Variants in BPIFC observed in about 807,000 individuals in gnomAD.
BPIFC encodes the protein BPI fold-containing family C protein.
Under a neutral mutation model 57.6 loss-of-function variants are expected in BPIFC, and 60 were observed. The ratio of observed to expected loss-of-function variants is 1.04; its 90% confidence interval spans 0.85 to 1.29. BPIFC has a LOEUF of 1.29. BPIFC is among the 50% of genes most tolerant of loss of function. The pLI is 0.00. For synonymous variants in BPIFC, 243 were observed against 224.5 expected, an observed-to-expected ratio of 1.08 and a Z score of -0.74; for missense variants, 581 against 600.5, an observed-to-expected ratio of 0.97 and a Z score of 0.34.
intron 13 of BPIFC, among the ~76,000 whole-genome samples, chr22:32,425,772 G>A (rs1340365108): frequency 3.3e-5 from 5 of 152,100 alleles, no homozygotes; most frequent in South Asian, 2.1e-4. Context: ...TGGTCCTGGA[G>A]GTAGGTACTA....
At chr22:32,453,615 G>T in intron 3 of BPIFC, 112 bp from the exon 4 acceptor site, 1 of 1,298,148 alleles carries the variant, frequency 7.7e-7, no homozygotes, top group Non-Finnish European at 1.0e-6. Flanking sequence ...TAGATACTTA[G>T]AAAATGGCAA....
intron 4 of BPIFC, among the ~76,000 whole-genome samples, chr22:32,448,597 T>C (rs1934799231): frequency 6.6e-6 from 1 of 152,068 alleles, no homozygotes; most frequent in Non-Finnish European, 1.5e-5. Flanking sequence ...TAGGAGGCAG[T>C]GAGTTGCATG....
intron 13 of BPIFC, among the ~76,000 whole-genome samples, chr22:32,424,738 TTCCTCTTCTTCTTCC>T (rs1569448221): frequency 2.7e-4 from 21 of 77,816 alleles, no homozygotes; most frequent in Non-Finnish European, 4.1e-4. Context: ...CCTCTTCTTC[TTCCTCTTCTTCTTCC>T]TCTTCTTCTT....
rs148714146 is a variant in BPIFC at position 32,431,478 on chromosome 22, T to C, written c.1150-64A>G. 8.1e-4 allele frequency: 905 copies of C among 1,114,968 alleles called. 18 individuals carry two copies. In the African/African-American group the frequency reaches 0.012, roughly 14 times the overall value. The allele number at this position is 1,114,968 out of a possible 1,614,324, so 69.1% of individuals were successfully genotyped here. ...GTGTCAATTTTGGCCATCAGTATAATTTCCAATAGTTGAAACATTATAAGC... is the reference window on the plus strand; with the variant it reads ...GTGTCAATTTTGGCCATCAGTATAACTTCCAATAGTTGAAACATTATAAGC... On this transcript the variant is annotated intron_variant, in intron 12 of 16. Transcript: ENST00000300399.
intron 10 of BPIFC, among the ~76,000 whole-genome samples, chr22:32,435,264 TAGCAGAACTG>T (rs1934357671): frequency 2.6e-5 from 4 of 151,944 alleles, no homozygotes; most frequent in Non-Finnish European, 4.4e-5. Context: ...GGTGAGGTAT[TAGCAGAACTG>T]GAAACTTGAC....
chr22:32,440,936 C>A (rs186114435), intron 8 of BPIFC, among the ~76,000 whole-genome samples: 106 of 152,262 alleles, frequency 7.0e-4, no homozygotes, highest in African/African-American at 2.5e-3. Context: ...AGAAGCCAGA[C>A]CGATCTCCTT....
intron 12 of BPIFC, among the ~76,000 whole-genome samples, chr22:32,431,819 T>C (rs537758371): frequency 6.6e-6 from 1 of 152,214 alleles, no homozygotes; most frequent in South Asian, 2.1e-4. Context: ...ATTCCAGCTG[T>C]CCATGTAACT....
At chr22:32,448,074 CT>C (rs752136687) in intron 4 of BPIFC, among the ~76,000 whole-genome samples, 45,015 of 142,662 alleles carry the variant, frequency 0.32, 6,674 homozygotes, top group Non-Finnish European at 0.35. Flanking sequence ...TTTCTTTTTT[CT>C]TTTTTTTTTT....
intron 4 of BPIFC, among the ~76,000 whole-genome samples, chr22:32,449,828 G>A (rs989911962): frequency 3.3e-5 from 5 of 151,340 alleles, no homozygotes; most frequent in Admixed American, 6.6e-5. Flanking sequence ...TCCGCCTCCC[G>A]GGTTCACGCC....
intron 13 of BPIFC, 140 bp downstream of exon 13, chr22:32,431,207 G>A (rs1260066457): frequency 1.7e-5 from 10 of 597,216 alleles, no homozygotes; most frequent in South Asian, 6.6e-5. Flanking sequence ...TCTGCCTCCC[G>A]GGTTCAAGCG....
Position 32,445,913 on chromosome 22 carries a change from T to C in BPIFC, c.458A>G (p.His153Arg). The C allele has an allele frequency of 1.2e-6, 2 of 1,614,102 alleles. No homozygotes were observed. The highest frequency in any genetic ancestry group is 1.7e-6 in the Non-Finnish European group (2 of 1,180,016). Residue 153 changes from histidine to arginine, a missense_variant, in exon 6 of 17, where the codon CAT becomes CGT. His to Arg is a conservative substitution (Grantham distance 29). Transcript: ENST00000300399. ...GCAATCTTGGAGCTTCAGGGTAGGA[T>C]GACCAAAGTCATTTCGGGTTAGGAT... Reference protein sequence around the residue: ...IIILTRNDFGHPTLKLQDCYA... With the variant: ...IIILTRNDFGRPTLKLQDCYA...
chr22:32,427,291 T>C (rs1453189741), intron 13 of BPIFC, among the ~76,000 whole-genome samples: 1 of 152,348 alleles, frequency 6.6e-6, no homozygotes, highest in East Asian at 1.9e-4. Context: ...AAGGCTCAGT[T>C]TGATTTAAGC....
rs149674580 is a variant in BPIFC, at chr22:32,435,811, G to A, written c.817C>T (p.Arg273Cys). The A allele has an allele frequency of 2.0e-5, 33 of 1,614,136 alleles. No individual in the cohort carries two copies. Among genetic ancestry groups the A allele is most frequent in the East Asian group, 1.6e-4 (7 of 44,884 alleles). ...FSPVPFVLPE[R>C]SNSMLYIGIA... The stretch of plus-strand genomic sequence containing the variant: ...CCAATGTAGAGCATGGAGTTGCTGC[G>A]TTCTGGGAGCACAAAAGGAACTGGT... The change falls in exon 10 of 17, where the codon CGC (arginine) becomes TGC (cysteine). Residue 273 changes from arginine to cysteine, a missense_variant. Coordinates refer to ENST00000300399, the MANE Select transcript of BPIFC (RefSeq NM_174932.3).
chr22:32,422,569 T>C (rs1387208654), intron 13 of BPIFC, among the ~76,000 whole-genome samples: 3 of 151,956 alleles, frequency 2.0e-5, no homozygotes, highest in Non-Finnish European at 4.4e-5. Context: ...TAGCCAGGCA[T>C]GGTGGCACGT....
chr22:32,425,483 G>C (rs1934040416), intron 13 of BPIFC, among the ~76,000 whole-genome samples: 1 of 152,226 alleles, frequency 6.6e-6, no homozygotes, highest in Non-Finnish European at 1.5e-5. Flanking sequence ...GGGGAGCGAA[G>C]TGTATTCTGA....
chr22:32,419,820 A>C (rs1933789042), intron 13 of BPIFC, among the ~76,000 whole-genome samples: 1 of 140,222 alleles, frequency 7.1e-6, no homozygotes, highest in African/African-American at 2.5e-5. Flanking sequence ...AAAAAAAAAA[A>C]AAAACAGATA....
chr22:32,429,644 G>C (rs1053511946), intron 13 of BPIFC, among the ~76,000 whole-genome samples: 2 of 150,010 alleles, frequency 1.3e-5, no homozygotes, highest in African/African-American at 4.9e-5. Flanking sequence ...AGGCTCCCGA[G>C]TAGCTGGGAT....
chr22:32,419,404 T>C lies in BPIFC; in HGVS notation c.1218A>G (p.Arg406=), dbSNP rs1419424294. Residue 406 remains arginine, a splice_region_variant and synonymous_variant, in exon 14 of 17, where the codon AGA becomes AGG. Transcript: ENST00000300399. ...QRLVCSLSLN[R]FRLALPESNR... is the part of the protein sequence containing the mutation. ...TGGACTCTGGCAAAGCAAGGCGGAA[T>C]CTAAAAGAAAACAAGAAAAGTTTAA... The C allele has an allele frequency of 1.9e-6, 3 of 1,613,436 alleles. No individual in the cohort carries two copies. The highest frequency in any genetic ancestry group is 3.3e-5 in the Admixed American group (2 of 59,960).
At chr22:32,446,948 G>T in intron 5 of BPIFC, 1 of 436,676 alleles carries the variant, frequency 2.3e-6, no homozygotes, top group Non-Finnish European at 3.0e-6. Flanking sequence ...CTGTTTCTCT[G>T]ATAGTCAGGG....
Sources: gnomAD v4.1 joint callset for allele counts (sites outside exome capture counted in the v4.1 genomes callset) on GRCh38, gnomAD v4.1.1 for gene constraint, MANE v1.5 for transcripts, NCBI Gene and HGNC (gene_info 2026-07-23, HGNC 2026-07-21) for gene names.